Variants in FGFR1OP2 observed in about 807,000 individuals in gnomAD.
FGFR1OP2 encodes the protein fibroblast growth factor receptor 1 oncogene partner 2.
FGFR1OP2 carries 17 observed loss-of-function variants against 35.2 expected under a neutral mutation model. The ratio of observed to expected loss-of-function variants is 0.48; its 90% CI spans 0.33 to 0.73. The LOEUF (loss-of-function observed/expected upper bound fraction) is 0.73, where lower values mean the gene tolerates loss of function less well. Among genes scored for constraint, FGFR1OP2 ranks in the 30% least tolerant of loss-of-function variants. The pLI, the probability that FGFR1OP2 is intolerant of heterozygous loss-of-function variation, is 0.02. For synonymous variants in FGFR1OP2, 105 were observed against 104.6 expected, an observed-to-expected ratio of 1.00 and a Z score of -0.03; for missense variants, 251 against 307.3, an observed-to-expected ratio of 0.82 and a Z score of 1.37.
chr12:26,943,166 T>C (rs1385048600), intron 1 of FGFR1OP2, among the ~76,000 whole-genome samples: 3 of 152,236 alleles, frequency 2.0e-5, no homozygotes, highest in African/African-American at 7.2e-5. Flanking sequence ...GGCATATAGA[T>C]GTCCAGTTCT....
chr12:26,965,565 TGATATG>T lies in FGFR1OP2; in HGVS notation c.*834_*839del, dbSNP rs1438671069. The T allele has an allele frequency of 1.3e-5, 2 of 152,382 alleles. No homozygotes were observed. The highest frequency in any genetic ancestry group is 4.8e-5 in the African/African-American group (2 of 41,412). 9.4% of individuals were successfully genotyped at this position (152,382 alleles called of 1,614,324 possible). A position where few individuals can be genotyped will look rare whatever the true frequency, so the allele number is the denominator to read the frequency against. On this transcript the variant is annotated 3_prime_UTR_variant, in exon 7 of 7. Transcript: ENST00000229395. The stretch of plus-strand genomic sequence containing the variant: ...ATTTAGTTAACAGAATTGAAATGTT[TGATATG>T]GCAAGATAGGTATGGTAATTTCAAA...
intron 1 of FGFR1OP2, among the ~76,000 whole-genome samples, chr12:26,942,115 C>G (rs1414316695): frequency 1.3e-5 from 2 of 152,212 alleles, no homozygotes; most frequent in African/African-American, 4.8e-5. Flanking sequence ...TCACTGCATC[C>G]TCCACCTTCC....
rs774242496 is a variant in FGFR1OP2, at chr12:26,963,415, A to G, written c.584A>G (p.Gln195Arg). 2.0e-5 allele frequency: 32 copies of G among 1,608,532 alleles called. 1 individual carries two copies. In the Middle Eastern group the frequency reaches 6.6e-4, roughly 33 times the overall value. Residue 195 changes from glutamine (Q) to arginine (R), a missense_variant, in exon 6 of 7, where the codon CAA becomes CGA. Physicochemically the swap from Gln to Arg is conservative, Grantham distance 43. Transcript: ENST00000229395. Reference sequence around the variant, plus strand: ...AGGAAAGCCATTGAAATTGACGAGCAACAGGGTTGCAAGGAACAAGAACGA... The same window carrying G: ...AGGAAAGCCATTGAAATTGACGAGCGACAGGGTTGCAAGGAACAAGAACGA... ...VMRKAIEIDE[Q>R]QGCKEQERIF...
intron 4 of FGFR1OP2, among the ~76,000 whole-genome samples, chr12:26,958,642 A>T (rs1311595067): frequency 2.6e-5 from 4 of 152,174 alleles, no homozygotes; most frequent in African/African-American, 9.7e-5. Context: ...ATTTTTTAGA[A>T]ACAAAGCTGA....
In FGFR1OP2 at chr12:26,966,078, T is replaced by G. The variant is rs1386748421; in HGVS notation, c.*1345T>G. The stretch of plus-strand genomic sequence containing the variant: ...TATGGTAATTTTATGTATAATTTCA[T>G]ATATTGGTAAAATTCAAAACTACAC... On this transcript the variant is annotated 3_prime_UTR_variant, in exon 7 of 7. Transcript: ENST00000229395. 1 of 152,086 alleles carries G rather than the reference T, an allele frequency of 6.6e-6. No individual in the cohort carries two copies. Among genetic ancestry groups the G allele is most frequent in the Non-Finnish European group, 1.5e-5 (1 of 67,954 alleles). 9.4% of individuals were successfully genotyped at this position (152,086 alleles called of 1,614,324 possible).
intron 2 of FGFR1OP2, among the ~76,000 whole-genome samples, chr12:26,954,973 A>G (rs1365569676): frequency 6.6e-6 from 1 of 152,216 alleles, no homozygotes; most frequent in East Asian, 1.9e-4. Context: ...TCACAGCCAA[A>G]TCTCCTCATC....
intron 1 of FGFR1OP2, among the ~76,000 whole-genome samples, chr12:26,951,454 G>A (rs1048905272): frequency 7.2e-5 from 11 of 152,148 alleles, no homozygotes; most frequent in African/African-American, 2.4e-4. Flanking sequence ...TGAGTAGCTG[G>A]TATCACAGGT....
intron 4 of FGFR1OP2, 150 bp downstream of exon 4, chr12:26,957,893 C>T: frequency 5.2e-6 from 3 of 573,860 alleles, no homozygotes; most frequent in Non-Finnish European, 8.2e-6. Context: ...GACATTTTCT[C>T]CTTTTTCTTA....
intron 2 of FGFR1OP2, among the ~76,000 whole-genome samples, chr12:26,956,018 A>ATT (rs57254536): frequency 3.4e-5 from 5 of 148,704 alleles, no homozygotes; most frequent in Admixed American, 6.7e-5. Context: ...ACATTATGAG[A>ATT]TTTTTTTTTT....
intron 1 of FGFR1OP2, among the ~76,000 whole-genome samples, chr12:26,948,941 CT>C: frequency 6.6e-6 from 1 of 152,166 alleles, no homozygotes; most frequent in South Asian, 2.1e-4. Context: ...ACTCAGGAGA[CT>C]GAAGTGGAGG....
At chr12:26,940,833 T>C (rs1455087833) in intron 1 of FGFR1OP2, among the ~76,000 whole-genome samples, 1 of 148,740 alleles carries the variant, frequency 6.7e-6, no homozygotes, top group African/African-American at 2.4e-5. Context: ...ATATTTGAAA[T>C]TTTTTTCGTC....
At chr12:26,951,412 C>T (rs1938926929) in intron 1 of FGFR1OP2, among the ~76,000 whole-genome samples, 1 of 152,172 alleles carries the variant, frequency 6.6e-6, no homozygotes, top group South Asian at 2.1e-4. Flanking sequence ...CTCTGCCTCC[C>T]AAGTTCAAGC....
At chr12:26,954,066 C>T (rs1240951113) in intron 1 of FGFR1OP2, 79 bp from the exon 2 acceptor site, 1 of 1,061,598 alleles carries the variant, frequency 9.4e-7, no homozygotes, top group Non-Finnish European at 1.3e-6. Flanking sequence ...GCTTAAGAAG[C>T]ATATCTGTGT....
chr12:26,951,013 G>C (rs977191887), intron 1 of FGFR1OP2, among the ~76,000 whole-genome samples: 5 of 152,102 alleles, frequency 3.3e-5, no homozygotes, highest in Non-Finnish European at 7.3e-5. Flanking sequence ...TTAGCAATAG[G>C]GATTTACTAT....
In FGFR1OP2 at chr12:26,963,438, C is replaced by A. The variant is rs1300869107; in HGVS notation, c.607C>A (p.Arg203=). The A allele has an allele frequency of 1.9e-6, 3 of 1,599,392 alleles. No homozygotes were observed. In the East Asian group the frequency reaches 6.8e-5, roughly 36 times the overall value. Residue 203 remains arginine, a synonymous_variant, in exon 6 of 7, where the codon CGA becomes AGA. Coordinates refer to ENST00000229395, the MANE Select transcript of FGFR1OP2 (RefSeq NM_015633.3). Reference sequence around the variant, plus strand: ...GCAACAGGGTTGCAAGGAACAAGAACGAATATTTCAACTTGAAGTAAGTTT... The same window carrying A: ...GCAACAGGGTTGCAAGGAACAAGAAAGAATATTTCAACTTGAAGTAAGTTT... The part of the protein sequence containing the change: ...DEQQGCKEQE[R]IFQLEQENKG...
intron 1 of FGFR1OP2, among the ~76,000 whole-genome samples, chr12:26,945,631 C>G (rs1386756661): frequency 6.6e-6 from 1 of 152,130 alleles, no homozygotes; most frequent in Non-Finnish European, 1.5e-5. Context: ...GAGGCCTAGG[C>G]GGGCAGATCA....
chr12:26,957,374 A>G (rs1939038244), intron 3 of FGFR1OP2, among the ~76,000 whole-genome samples: 2 of 152,224 alleles, frequency 1.3e-5, no homozygotes, highest in Admixed American at 1.3e-4. Context: ...GCCGATATTA[A>G]TTGCTGTTTA....
chr12:26,953,180 C>G (rs7295544), intron 1 of FGFR1OP2, among the ~76,000 whole-genome samples: 1 of 147,620 alleles, frequency 6.8e-6, no homozygotes, highest in Non-Finnish European at 1.5e-5. Flanking sequence ...AGGAAAATGG[C>G]GTGAACCTGG....
chr12:26,959,739 A>G (rs556682435), intron 4 of FGFR1OP2, among the ~76,000 whole-genome samples: 39 of 152,120 alleles, frequency 2.6e-4, no homozygotes, highest in Non-Finnish European at 5.6e-4. Flanking sequence ...ATTTGTTATT[A>G]ATTTTCACTA....
Sources: gnomAD v4.1 joint callset for allele counts (sites outside exome capture counted in the v4.1 genomes callset) on GRCh38, gnomAD v4.1.1 for gene constraint, MANE v1.5 for transcripts, NCBI Gene and HGNC (gene_info 2026-07-23, HGNC 2026-07-21) for gene names.